SPTA1: variants seen among roughly 807,000 people sequenced by gnomAD.
SPTA1 encodes the protein spectrin alpha chain, erythrocytic 1.
In SPTA1, 177 loss-of-function variants were observed where a neutral mutation model predicts 324.7. The observed-to-expected ratio is 0.55, with a 90% confidence interval of 0.48 to 0.62. The LOEUF is 0.62. Among genes scored for constraint, SPTA1 ranks in the 20% least tolerant of loss-of-function variants. SPTA1 has a pLI of 0.00. For synonymous variants in SPTA1, 1,195 were observed against 1,041.3 expected (o/e 1.15, Z -2.84); for missense variants, 3,162 against 2,883.6 (o/e 1.10, Z -2.21).
chr1:158,644,625 T>C (rs1020136381), intron 29 of SPTA1, among the ~76,000 whole-genome samples: 2 of 152,234 alleles, frequency 1.3e-5, no homozygotes, highest in African/African-American at 4.8e-5. Flanking sequence ...TGCTATTTCC[T>C]ATTTCTTAAA....
intron 30 of SPTA1, 123 bp downstream of exon 30, chr1:158,644,130 C>G: frequency 7.8e-7 from 1 of 1,289,966 alleles, no homozygotes; most frequent in Non-Finnish European, 1.1e-6. Flanking sequence ...GAATGAGACT[C>G]CATCTCAAAA....
Position 158,651,223 on chromosome 1 carries a change from C to T in SPTA1, c.3477+144G>A, listed in dbSNP as rs534743310. On this transcript the variant is annotated intron_variant, in intron 24 of 51. Coordinates refer to ENST00000643759, the MANE Select transcript of SPTA1 (RefSeq NM_003126.4). ...GGACTATTTGGGCTATTGTCTTTGG[C>T]CTTTCCTGTAGCTAATTCCATACTG... The T allele has an allele frequency of 1.2e-4, 80 of 689,652 alleles. 3 individuals carry two copies. In the South Asian group the frequency reaches 1.2e-3, roughly 10 times the overall value. 42.7% of individuals were successfully genotyped at this position (689,652 alleles called of 1,614,324 possible).
chr1:158,643,623 T>C (rs1249369235), intron 30 of SPTA1, among the ~76,000 whole-genome samples, 198 bp from the exon 31 acceptor site: 1 of 152,196 alleles, frequency 6.6e-6, no homozygotes, highest in Non-Finnish European at 1.5e-5. Flanking sequence ...GCTACTTGTG[T>C]GGTACAGAGT....
In SPTA1 at chr1:158,657,736, G is replaced by A. The variant is rs1304833771; in HGVS notation, c.2588-42C>T. The stretch of plus-strand genomic sequence containing the variant: ...GAAAAGGTGAGTATGATCCTCATGA[G>A]TGTTTACCATACTCTAATCCTTTTG... On this transcript the variant is annotated intron_variant, in intron 18 of 51. Coordinates refer to ENST00000643759, the MANE Select transcript of SPTA1 (RefSeq NM_003126.4). 3.8e-6 allele frequency: 6 copies of A among 1,578,802 alleles called. No homozygotes were observed. The South Asian group carries it at 6.6e-5, about 17-fold the overall frequency.
intron 20 of SPTA1, 120 bp downstream of exon 20, chr1:158,656,444 C>T: frequency 1.1e-6 from 1 of 892,300 alleles, no homozygotes; most frequent in Non-Finnish European, 1.9e-6. Context: ...GGTCATAGAA[C>T]TTAGTGTTTT....
chr1:158,669,962 A>G (rs753252425), intron 12 of SPTA1, among the ~76,000 whole-genome samples, 176 bp from the exon 13 acceptor site: 10 of 152,154 alleles, frequency 6.6e-5, no homozygotes, highest in Non-Finnish European at 1.3e-4. Flanking sequence ...CAAAATATAT[A>G]CCTCAGGGCA....
At chr1:158,655,936 G>C (rs61048005) in intron 20 of SPTA1, among the ~76,000 whole-genome samples, 19,112 of 152,082 alleles carry the variant, frequency 0.13, 3,998 homozygotes, top group African/African-American at 0.43. Context: ...CTAGAAAAAC[G>C]CTTATCCTCT....
intron 27 of SPTA1, among the ~76,000 whole-genome samples, chr1:158,646,502 AC>A (rs1652008822): frequency 6.6e-6 from 1 of 152,180 alleles, no homozygotes; most frequent in Non-Finnish European, 1.5e-5. Flanking sequence ...CAAAAAACAA[AC>A]AAAAAACAGA....
At chr1:158,632,344 T>G (rs920118762) in intron 39 of SPTA1, among the ~76,000 whole-genome samples, 1 of 152,130 alleles carries the variant, frequency 6.6e-6, no homozygotes, top group African/African-American at 2.4e-5. Context: ...ATGAAAACGC[T>G]CAAGAGCATT....
intron 33 of SPTA1, 40 bp downstream of exon 33, chr1:158,642,371 T>C: frequency 6.2e-7 from 1 of 1,606,938 alleles, no homozygotes; most frequent in Non-Finnish European, 8.5e-7. Context: ...TGATTCCTCT[T>C]CATGTGACTT....
intron 47 of SPTA1, among the ~76,000 whole-genome samples, chr1:158,616,400 C>G (rs1571372901): frequency 6.6e-6 from 1 of 152,212 alleles, no homozygotes; most frequent in East Asian, 1.9e-4. Context: ...CTTCATTCCT[C>G]TATCTCCCCC....
intron 50 of SPTA1, among the ~76,000 whole-genome samples, chr1:158,613,333 C>A: frequency 6.6e-6 from 1 of 152,054 alleles, no homozygotes; most frequent in Non-Finnish European, 1.5e-5. Flanking sequence ...TACTTGATCT[C>A]TTGATGATTC....
At chr1:158,623,330 A>C (rs1232349232) in intron 42 of SPTA1, 138 bp from the exon 43 acceptor site, 1 of 813,294 alleles carries the variant, frequency 1.2e-6, no homozygotes, top group East Asian at 2.4e-5. Flanking sequence ...AATATAACTT[A>C]GAGATGTAAG....
rs1477546362 is a variant in SPTA1 at position 158,648,504 on chromosome 1, C to A, written c.3714+5G>T. The A allele has an allele frequency of 6.2e-7, 1 of 1,613,776 alleles. No individual in the cohort carries two copies. The highest frequency in any genetic ancestry group is 1.3e-5 in the African/African-American group (1 of 74,908). On this transcript the variant is annotated splice_donor_5th_base_variant and intron_variant, in intron 26 of 51. Coordinates refer to ENST00000643759, the MANE Select transcript of SPTA1 (RefSeq NM_003126.4). Reference sequence around the variant, plus strand: ...GTTGGAAAAGCTTTGAAGGACTTGTCTCACCTTATCTCCCAGGGGTACGAG... The same window carrying A: ...GTTGGAAAAGCTTTGAAGGACTTGTATCACCTTATCTCCCAGGGGTACGAG...
chr1:158,636,493 G>T, intron 37 of SPTA1, 148 bp downstream of exon 37: 1 of 940,042 alleles, frequency 1.1e-6, no homozygotes, highest in Non-Finnish European at 1.6e-6. Flanking sequence ...ATGTGGAAGA[G>T]AAAAGAATAT....
At chr1:158,660,174 A>G (rs961103768) in intron 18 of SPTA1, among the ~76,000 whole-genome samples, 2 of 152,216 alleles carry the variant, frequency 1.3e-5, no homozygotes, top group Non-Finnish European at 2.9e-5. Context: ...AAAATAAACC[A>G]TATTGATGAT....
chr1:158,639,277 A>G (rs1325895519), intron 35 of SPTA1: 1 of 337,258 alleles, frequency 3.0e-6, no homozygotes, highest in Non-Finnish European at 5.5e-6. Flanking sequence ...TTCAAATACC[A>G]GATCAAATAT....
intron 26 of SPTA1, 30 bp from the exon 27 acceptor site, chr1:158,647,750 G>A: frequency 6.2e-7 from 1 of 1,612,810 alleles, no homozygotes; most frequent in Non-Finnish European, 8.5e-7. Flanking sequence ...CTGATAATCA[G>A]CCTAGAGACA....
In SPTA1 at chr1:158,676,243, T is replaced by A. The variant is rs774676478; in HGVS notation, c.1010A>T (p.Asp337Val). ...AEKLTLSHPSDAPQIQEMKED... is the reference protein window; with the variant it reads ...AEKLTLSHPSVAPQIQEMKED... ...TTTCATCTCCTGGATCTGAGGTGCA[T>A]CTGAAGGATGGGAAAGTGTCAGCTT... Residue 337 changes from aspartate to valine, a missense_variant, in exon 8 of 52, where the codon GAT (aspartate) becomes GTT (valine). By Grantham distance (152) the Asp-to-Val change is radical (BLOSUM62 -3). Transcript: ENST00000643759. 3 of 1,613,758 alleles carry A rather than the reference T, an allele frequency of 1.9e-6. No individual in the cohort carries two copies. Among genetic ancestry groups the A allele is most frequent in the Non-Finnish European group, 1.7e-6 (2 of 1,179,778 alleles).
Sources: gnomAD v4.1 joint callset for allele counts (sites outside exome capture counted in the v4.1 genomes callset) on GRCh38, gnomAD v4.1.1 for gene constraint, MANE v1.5 for transcripts, NCBI Gene and HGNC (gene_info 2026-07-23, HGNC 2026-07-21) for gene names.